NCKAP5: variants seen among roughly 807,000 people sequenced by gnomAD.
The protein encoded by NCKAP5 is NCK associated protein 5.
NCKAP5 carries 92 observed loss-of-function variants against 167.0 expected under a neutral mutation model. The observed-to-expected ratio is 0.55, with a 90% CI of 0.47 to 0.66. The LOEUF is 0.66. Ranked by LOEUF, NCKAP5 falls within the 30% of genes least tolerant of loss-of-function variation. NCKAP5 has a pLI of 0.00. For missense variants in NCKAP5, 2,378 were observed against 2,315.0 expected (o/e 1.03, Z -0.56); for synonymous variants, 891 against 877.4 (o/e 1.02, Z -0.27).
intron 6 of NCKAP5, among the ~76,000 whole-genome samples, chr2:133,041,580 G>A (rs941237470): frequency 1.2e-4 from 19 of 152,054 alleles, no homozygotes; most frequent in African/African-American, 4.3e-4. Context: ...ATTAGTCCAA[G>A]GTATATGAAT....
At chr2:133,049,359 C>G (rs1304521325) in intron 6 of NCKAP5, among the ~76,000 whole-genome samples, 2 of 152,014 alleles carry the variant, frequency 1.3e-5, no homozygotes, top group Non-Finnish European at 2.9e-5. Flanking sequence ...TCCTGGCTAA[C>G]ACAGTGAAAC....
chr2:133,127,011 A>C (rs1041223048), intron 6 of NCKAP5, among the ~76,000 whole-genome samples: 2 of 152,188 alleles, frequency 1.3e-5, no homozygotes, highest in African/African-American at 2.4e-5. Flanking sequence ...AAGTAATTTC[A>C]CATCCCAGAT....
chr2:133,249,080 C>A (rs1341431508), intron 4 of NCKAP5, among the ~76,000 whole-genome samples: 1 of 152,130 alleles, frequency 6.6e-6, no homozygotes, highest in African/African-American at 2.4e-5. Flanking sequence ...ACCTGAATCA[C>A]CCCTACTTAT....
At chr2:133,469,445 T>C (rs1692872703) in intron 3 of NCKAP5, among the ~76,000 whole-genome samples, 1 of 152,108 alleles carries the variant, frequency 6.6e-6, no homozygotes, top group Non-Finnish European at 1.5e-5. Flanking sequence ...CCCTTAACAT[T>C]TTTTCCTTCA....
At chr2:133,240,259 C>T (rs1165931620) in intron 4 of NCKAP5, among the ~76,000 whole-genome samples, 3 of 152,174 alleles carry the variant, frequency 2.0e-5, no homozygotes, top group African/African-American at 7.2e-5. Context: ...AACCATTAAA[C>T]AGACACCCAG....
the NCKAP5 span, among the ~76,000 whole-genome samples, chr2:133,615,289 A>G: frequency 6.6e-6 from 1 of 151,634 alleles, no homozygotes; most frequent in Non-Finnish European, 1.5e-5. Flanking sequence ...GATCAAATTC[A>G]CACATAACAA....
chr2:132,759,356 C>T (rs1243367049), intron 16 of NCKAP5, among the ~76,000 whole-genome samples: 1 of 152,058 alleles, frequency 6.6e-6, no homozygotes, highest in African/African-American at 2.4e-5. Flanking sequence ...TTTTCTAGGG[C>T]CATGCCTTTC....
At chr2:132,748,895 T>G (rs1351572346) in intron 16 of NCKAP5, among the ~76,000 whole-genome samples, 1 of 152,028 alleles carries the variant, frequency 6.6e-6, no homozygotes, top group Non-Finnish European at 1.5e-5. Context: ...GCAATTCTCC[T>G]GTCTCAGCCT....
chr2:132,828,630 G>A (rs1348687589), intron 11 of NCKAP5, among the ~76,000 whole-genome samples: 2 of 152,138 alleles, frequency 1.3e-5, no homozygotes, highest in Non-Finnish European at 2.9e-5. Context: ...TTTCTTTATA[G>A]CAGTGCAAGA....
At chr2:132,730,847 C>A (rs558993744) in intron 17 of NCKAP5, among the ~76,000 whole-genome samples, 2 of 152,166 alleles carry the variant, frequency 1.3e-5, no homozygotes, top group African/African-American at 2.4e-5. Context: ...AAGTTTGTGA[C>A]GCAACATTCG....
At chr2:133,487,090 T>TA (rs1680970374) in intron 3 of NCKAP5, among the ~76,000 whole-genome samples, 2 of 152,294 alleles carry the variant, frequency 1.3e-5, no homozygotes, top group South Asian at 4.2e-4. Flanking sequence ...GAGAACTCAG[T>TA]AACAGCTGTT....
Position 133,195,143 on chromosome 2 carries a change from C to T in NCKAP5, c.207+18573G>A, listed in dbSNP as rs571917807. On this transcript the variant is annotated intron_variant, in intron 5 of 19. Coordinates refer to ENST00000409261, the MANE Select transcript of NCKAP5 (RefSeq NM_207363.3). ...AAAAGCCGCCTCACTTACTTGTGCA[C>T]GAACTCTGCAGTGTAGCTAGAGCTG... is the stretch of plus-strand genomic sequence containing the variant. 6.1e-4 allele frequency among the ~76,000 whole-genome samples: 93 copies of T among 152,156 alleles called. 3 individuals are homozygous for T. In the South Asian group the frequency reaches 0.016, roughly 26 times the overall value.
intron 16 of NCKAP5, among the ~76,000 whole-genome samples, chr2:132,745,296 C>T (rs899163019): frequency 6.6e-6 from 1 of 151,536 alleles, no homozygotes; most frequent in East Asian, 1.9e-4. Context: ...ATTTGTTTAG[C>T]ATTTAAAAAT....
At chr2:133,435,261 C>T (rs1690401982) in intron 3 of NCKAP5, among the ~76,000 whole-genome samples, 1 of 152,188 alleles carries the variant, frequency 6.6e-6, no homozygotes, top group South Asian at 2.1e-4. Context: ...ATCTCCAGGA[C>T]ATCTGAAACA....
At chr2:132,954,822 T>C in intron 8 of NCKAP5, 1 of 391,530 alleles carries the variant, frequency 2.6e-6, no homozygotes, top group South Asian at 1.9e-5. Flanking sequence ...GACTATTTAC[T>C]ACTTTTATAA....
the NCKAP5 span, among the ~76,000 whole-genome samples, chr2:133,606,813 G>A: frequency 1.1e-3 from 171 of 151,086 alleles, 1 homozygote; most frequent in African/African-American, 3.8e-3. Flanking sequence ...GTGTGAATCT[G>A]CCCAGCTGGG....
At chr2:132,972,247 T>C (rs992979767) in intron 7 of NCKAP5, among the ~76,000 whole-genome samples, 22 of 152,148 alleles carry the variant, frequency 1.4e-4, no homozygotes, top group Admixed American at 3.3e-4. Context: ...AAATTTATAT[T>C]TGAGTTCTGA....
chr2:133,015,349 G>T (rs1285216507), intron 6 of NCKAP5, among the ~76,000 whole-genome samples: 1 of 92,144 alleles, frequency 1.1e-5, no homozygotes, highest in Non-Finnish European at 2.3e-5. Context: ...CCAGATAAAA[G>T]AACCGAACTC....
intron 5 of NCKAP5, among the ~76,000 whole-genome samples, chr2:133,131,314 C>T (rs1396335858): frequency 6.6e-6 from 1 of 152,188 alleles, no homozygotes; most frequent in East Asian, 1.9e-4. Flanking sequence ...TCCTTCCAGG[C>T]TCAGTTGCAA....
Sources: gnomAD v4.1 joint callset for allele counts (sites outside exome capture counted in the v4.1 genomes callset) on GRCh38, gnomAD v4.1.1 for gene constraint, MANE v1.5 for transcripts, NCBI Gene and HGNC (gene_info 2026-07-23, HGNC 2026-07-21) for gene names.